The following XPO7 variants were observed in gnomAD, a reference collection of about 807,000 sequenced individuals.
XPO7 encodes the protein exportin 7.
In XPO7, 21 loss-of-function variants were observed where a neutral mutation model predicts 144.3. That is an observed-to-expected ratio of 0.15 (90% CI 0.10 to 0.21). The LOEUF (loss-of-function observed/expected upper bound fraction) is 0.21. Among genes scored for constraint, XPO7 ranks in the 10% least tolerant of loss-of-function variants. The pLI, the probability that XPO7 is intolerant of heterozygous loss-of-function variation, is 1.00. For missense variants in XPO7, 808 were observed against 1,325.8 expected (o/e 0.61, Z 6.06); for synonymous variants, 580 against 499.6 (o/e 1.16, Z -2.15).
At chr8:21,920,959 A>C (rs1352437118) in intron 1 of XPO7, among the ~76,000 whole-genome samples, 1 of 152,180 alleles carries the variant, frequency 6.6e-6, no homozygotes. Context: ...GAAGGGACTA[A>C]ATAAAAGACT....
At chr8:21,976,793 A>G in intron 7 of XPO7, among the ~76,000 whole-genome samples, 1 of 152,182 alleles carries the variant, frequency 6.6e-6, no homozygotes, top group East Asian at 1.9e-4. Context: ...ATCTGGAACT[A>G]CAGGCACATG....
chr8:21,946,980 T>C (rs1443386048), intron 1 of XPO7, among the ~76,000 whole-genome samples: 1 of 152,230 alleles, frequency 6.6e-6, no homozygotes, highest in African/African-American at 2.4e-5. Context: ...AAGTCATTTT[T>C]AGATAAACAC....
At chr8:21,955,724 CTTT>C (rs71544845) in intron 1 of XPO7, among the ~76,000 whole-genome samples, 1 of 102,774 alleles carries the variant, frequency 9.7e-6, no homozygotes, top group Non-Finnish European at 1.8e-5. Context: ...CTGTGCTTAC[CTTT>C]TTTTTTTTTT....
At chr8:21,976,247 G>C (rs1217841672) in intron 6 of XPO7, 109 bp from the exon 7 acceptor site, 3 of 1,227,400 alleles carry the variant, frequency 2.4e-6, no homozygotes. Flanking sequence ...ACATTTTACT[G>C]TGCTAACATA....
intron 1 of XPO7, among the ~76,000 whole-genome samples, chr8:21,942,926 G>C (rs986549858): frequency 6.6e-6 from 1 of 152,206 alleles, no homozygotes; most frequent in African/African-American, 2.4e-5. Context: ...GTGTGTGGCA[G>C]TGAAGAATAT....
In XPO7 at chr8:21,998,780, T is replaced by C. The variant is rs894743141; in HGVS notation, c.2371T>C (p.Ser791Pro). Reference protein sequence around the residue: ...NRSQRLQFDVSSPNGILLFRE... With the variant: ...NRSQRLQFDVPSPNGILLFRE... ...GTCCCAGCGACTCCAGTTTGATGTC[T>C]CTTCCCCCAATGGCATCTTACTCTT... The change falls in exon 22 of 28, where the codon TCT (serine) becomes CCT (proline). Residue 791 changes from serine to proline, a missense_variant. By Grantham distance (74) the Ser-to-Pro change is moderately conservative. Coordinates refer to ENST00000252512, the MANE Select transcript of XPO7 (RefSeq NM_015024.5). 1 of 1,613,914 alleles carries C rather than the reference T, an allele frequency of 6.2e-7. No individual in the cohort carries two copies. Among genetic ancestry groups the C allele is most frequent in the Non-Finnish European group, 8.5e-7 (1 of 1,179,896 alleles).
intron 8 of XPO7, among the ~76,000 whole-genome samples, chr8:21,978,377 A>T (rs780163970): frequency 6.6e-6 from 1 of 152,252 alleles, no homozygotes; most frequent in Non-Finnish European, 1.5e-5. Context: ...GGTATTTCAG[A>T]TTGTTGGTGT....
intron 1 of XPO7, among the ~76,000 whole-genome samples, chr8:21,947,649 G>C (rs1811235489): frequency 6.6e-6 from 1 of 152,082 alleles, no homozygotes; most frequent in African/African-American, 2.4e-5. Flanking sequence ...ATGACTTTAG[G>C]ATAGGAAAAG....
intron 5 of XPO7, 50 bp downstream of exon 5, chr8:21,971,991 G>A (rs1353114094): frequency 3.8e-6 from 6 of 1,573,752 alleles, no homozygotes; most frequent in South Asian, 1.1e-5. Flanking sequence ...TTTTTTCTTA[G>A]TATTGGTGTT....
chr8:21,966,835 T>C (rs750939685), intron 1 of XPO7, 22 bp from the exon 2 acceptor site: 26 of 1,605,196 alleles, frequency 1.6e-5, no homozygotes. Flanking sequence ...AACTGTTTTC[T>C]TTCCTGACTG....
At chr8:21,920,888 T>A (rs1810259462) in intron 1 of XPO7, among the ~76,000 whole-genome samples, 2 of 152,216 alleles carry the variant, frequency 1.3e-5, no homozygotes, top group Admixed American at 1.3e-4. Flanking sequence ...AAGAATGATC[T>A]CATTCTTAAT....
chr8:21,999,413 C>T (rs1813064045), intron 23 of XPO7, 108 bp downstream of exon 23: 2 of 1,572,072 alleles, frequency 1.3e-6, no homozygotes, highest in Admixed American at 3.5e-5. Context: ...AAGCTAGCTC[C>T]TTTTGCTCTA....
chr8:21,953,074 T>G (rs1291241328), intron 1 of XPO7, among the ~76,000 whole-genome samples: 2 of 149,484 alleles, frequency 1.3e-5, no homozygotes, highest in Middle Eastern at 3.4e-3. Flanking sequence ...GTATGGTATA[T>G]TAACAATTGA....
intron 21 of XPO7, among the ~76,000 whole-genome samples, chr8:21,997,379 T>C (rs1045874446): frequency 6.6e-6 from 1 of 151,944 alleles, no homozygotes; most frequent in Non-Finnish European, 1.5e-5. Flanking sequence ...GGCAGTAAAA[T>C]AGAGGGGAAT....
intron 1 of XPO7, among the ~76,000 whole-genome samples, chr8:21,923,167 C>G (rs1423518957): frequency 6.6e-6 from 1 of 152,236 alleles, no homozygotes; most frequent in South Asian, 2.1e-4. Context: ...TTTTCCAGTT[C>G]GACTAATACC....
At chr8:21,945,304 A>G (rs1335877776) in intron 1 of XPO7, among the ~76,000 whole-genome samples, 1 of 152,164 alleles carries the variant, frequency 6.6e-6, no homozygotes, top group Non-Finnish European at 1.5e-5. Flanking sequence ...CGCAAAGGAA[A>G]CTCATATAAA....
At chr8:21,933,862 A>C (rs1044983197) in intron 1 of XPO7, among the ~76,000 whole-genome samples, 2 of 152,188 alleles carry the variant, frequency 1.3e-5, no homozygotes, top group Non-Finnish European at 2.9e-5. Flanking sequence ...ATGCAGTAAA[A>C]AGAATTTATA....
At chr8:21,973,087 G>T (rs528014369) in intron 5 of XPO7, among the ~76,000 whole-genome samples, 1 of 152,216 alleles carries the variant, frequency 6.6e-6, no homozygotes, top group Non-Finnish European at 1.5e-5. Context: ...GGCCCATAAA[G>T]ATGAAATCAT....
chr8:21,969,952 GA>G, intron 3 of XPO7, 191 bp from the exon 4 acceptor site: 1 of 652,022 alleles, frequency 1.5e-6, no homozygotes, highest in Non-Finnish European at 2.5e-6. Context: ...ATAAAATTCT[GA>G]ATTAGAACAC....
Sources: gnomAD v4.1 joint callset for allele counts (sites outside exome capture counted in the v4.1 genomes callset) on GRCh38, gnomAD v4.1.1 for gene constraint, MANE v1.5 for transcripts, NCBI Gene and HGNC (gene_info 2026-07-23, HGNC 2026-07-21) for gene names.